The following FBXL20 variants were observed in gnomAD, a reference collection of about 807,000 sequenced individuals.
The protein encoded by FBXL20 is F-box/LRR-repeat protein 20.
In FBXL20, 11 loss-of-function variants were observed where a neutral mutation model predicts 64.0. The ratio of observed to expected loss-of-function variants is 0.17; its 90% CI spans 0.11 to 0.28. FBXL20 has a LOEUF of 0.28. FBXL20 is among the 10% of genes least tolerant of loss of function. The probability of loss-of-function intolerance (pLI) is 1.00; values close to 1 mark genes in which losing one functional copy is unlikely to be tolerated. For missense variants in FBXL20, 303 were observed against 526.2 expected, an observed-to-expected ratio of 0.58 and a Z score of 4.15; for synonymous variants, 184 against 189.0, an observed-to-expected ratio of 0.97 and a Z score of 0.22.
chr17:39,300,943 C>G, intron 4 of FBXL20, 58 bp downstream of exon 4: 2 of 1,486,666 alleles, frequency 1.3e-6, no homozygotes, highest in Non-Finnish European at 1.9e-6. Context: ...TAGGGCTAAT[C>G]TGTTCCATGC....
intron 11 of FBXL20, among the ~76,000 whole-genome samples, chr17:39,269,920 G>C (rs1299382154): frequency 1.3e-5 from 2 of 152,208 alleles, no homozygotes; most frequent in African/African-American, 4.8e-5. Flanking sequence ...CCAGGCTATG[G>C]CCTCCTTTAG....
chr17:39,308,512 T>C (rs1597788693), intron 2 of FBXL20, among the ~76,000 whole-genome samples: 1 of 151,328 alleles, frequency 6.6e-6, no homozygotes, highest in East Asian at 1.9e-4. Flanking sequence ...GAAAAAAAAA[T>C]AGGTTTCTAT....
At chr17:39,301,829 G>A (rs932942963) in intron 3 of FBXL20, among the ~76,000 whole-genome samples, 3 of 152,056 alleles carry the variant, frequency 2.0e-5, no homozygotes, top group Admixed American at 1.3e-4. Flanking sequence ...GGTAAGGGCT[G>A]CAGTGAGCCA....
chr17:39,291,063 G>A (rs1460762257), intron 6 of FBXL20, among the ~76,000 whole-genome samples: 3 of 151,556 alleles, frequency 2.0e-5, no homozygotes, highest in Admixed American at 6.6e-5. Flanking sequence ...CCGGGTTCAT[G>A]CCATTCTCCT....
At chr17:39,266,807 T>C (rs539204046) in intron 12 of FBXL20, among the ~76,000 whole-genome samples, 3 of 152,360 alleles carry the variant, frequency 2.0e-5, no homozygotes, top group Admixed American at 6.5e-5. Context: ...CTAGTCTTCA[T>C]CTTTAGACAG....
Position 39,282,863 on chromosome 17 carries a change from T to A in FBXL20, c.495-8A>T. 1 of 1,613,972 alleles carries A rather than the reference T, an allele frequency of 6.2e-7. No individual in the cohort carries two copies. The highest frequency in any genetic ancestry group is 8.5e-7 in the Non-Finnish European group (1 of 1,179,936). On this transcript the variant is annotated splice_polypyrimidine_tract_variant and splice_region_variant and intron_variant, in intron 7 of 14. Transcript: ENST00000264658. The stretch of plus-strand genomic sequence containing the variant: ...AACAGTGGACATCCCTCACTTAGGA[T>A]AAAACAAAATAAGAGAAACATATCA...
intron 1 of FBXL20, among the ~76,000 whole-genome samples, chr17:39,361,855 T>C (rs1316055316): frequency 6.6e-6 from 1 of 151,568 alleles, no homozygotes; most frequent in African/African-American, 2.4e-5. Flanking sequence ...CCCAGCACTT[T>C]ACAAGGCTGA....
In FBXL20 at chr17:39,282,895, C is replaced by G. The variant is rs766065861; in HGVS notation, c.495-40G>C. ...AAATAAGAGAAACATATCACTAAAT[C>G]CAATTCCAAAAACACCAACGTCTCA... On this transcript the variant is annotated intron_variant, in intron 7 of 14. Transcript: ENST00000264658. 4.4e-6 allele frequency: 7 copies of G among 1,608,902 alleles called. No individual in the cohort carries two copies. In the South Asian group the frequency reaches 5.5e-5, roughly 13 times the overall value.
intron 4 of FBXL20, 145 bp from the exon 5 acceptor site, chr17:39,299,229 G>A: frequency 3.3e-6 from 2 of 613,626 alleles, no homozygotes; most frequent in South Asian, 4.4e-5. Flanking sequence ...CTTACCCTGA[G>A]AAAGCTTTCC....
At chr17:39,385,515 T>C (rs2048069695) in intron 1 of FBXL20, among the ~76,000 whole-genome samples, 1 of 152,202 alleles carries the variant, frequency 6.6e-6, no homozygotes, top group African/African-American at 2.4e-5. Context: ...CCTATTCCTA[T>C]AACTGTCTTA....
chr17:39,390,203 C>G (rs1406598874), intron 1 of FBXL20, among the ~76,000 whole-genome samples: 1 of 151,990 alleles, frequency 6.6e-6, no homozygotes, highest in East Asian at 1.9e-4. Flanking sequence ...TTTGGGAAGC[C>G]AAGGTCCAGG....
intron 1 of FBXL20, among the ~76,000 whole-genome samples, chr17:39,355,056 C>T (rs2144599145): frequency 6.6e-6 from 1 of 152,278 alleles, no homozygotes; most frequent in East Asian, 1.9e-4. Context: ...CTCAGCCTCC[C>T]AAGTAGCTGG....
intron 1 of FBXL20, among the ~76,000 whole-genome samples, chr17:39,393,411 A>G (rs2048153864): frequency 6.6e-6 from 1 of 152,176 alleles, no homozygotes; most frequent in Non-Finnish European, 1.5e-5. Flanking sequence ...CAAACACCAC[A>G]GTGGTTACTA....
At chr17:39,393,660 T>C (rs924548168) in intron 1 of FBXL20, among the ~76,000 whole-genome samples, 2 of 152,202 alleles carry the variant, frequency 1.3e-5, no homozygotes, top group African/African-American at 4.8e-5. Context: ...AAGAGGCTTA[T>C]TAAAAGAGTA....
intron 2 of FBXL20, among the ~76,000 whole-genome samples, chr17:39,333,223 C>T (rs946395221): frequency 2.6e-5 from 4 of 152,212 alleles, no homozygotes; most frequent in Non-Finnish European, 4.4e-5. Context: ...CTGCCGCCAT[C>T]TCGACTCACT....
At chr17:39,380,296 A>G (rs898517643) in intron 1 of FBXL20, among the ~76,000 whole-genome samples, 1 of 152,184 alleles carries the variant, frequency 6.6e-6, no homozygotes, top group African/African-American at 2.4e-5. Flanking sequence ...AAGGCCATTC[A>G]TTATCTGCCC....
chr17:39,292,831 C>T (rs568224397), intron 6 of FBXL20, among the ~76,000 whole-genome samples: 238 of 150,318 alleles, frequency 1.6e-3, no homozygotes, highest in Non-Finnish European at 2.4e-3. Flanking sequence ...TGCTCTGTAG[C>T]CCAGGCTGGA....
chr17:39,317,435 T>G (rs911695351), intron 2 of FBXL20, among the ~76,000 whole-genome samples: 1 of 152,110 alleles, frequency 6.6e-6, no homozygotes, highest in Non-Finnish European at 1.5e-5. Flanking sequence ...TTTCACCATG[T>G]TGGCCAGGCT....
At chr17:39,301,465 C>T (rs575123026) in intron 3 of FBXL20, among the ~76,000 whole-genome samples, 7 of 152,202 alleles carry the variant, frequency 4.6e-5, no homozygotes, top group Admixed American at 3.9e-4. Context: ...TGGTGGCTCA[C>T]GTCTGTAATC....
Sources: gnomAD v4.1 joint callset for allele counts (sites outside exome capture counted in the v4.1 genomes callset) on GRCh38, gnomAD v4.1.1 for gene constraint, MANE v1.5 for transcripts, NCBI Gene and HGNC (gene_info 2026-07-23, HGNC 2026-07-21) for gene names.